Variants in TOP2B observed in about 807,000 individuals in gnomAD.
TOP2B encodes DNA topoisomerase 2-beta.
TOP2B carries 51 observed loss-of-function variants against 193.5 expected under a neutral mutation model. The observed-to-expected ratio is 0.26, with a 90% CI of 0.21 to 0.33. TOP2B has a LOEUF of 0.33. TOP2B is among the 10% of genes least tolerant of loss of function. The pLI is 1.00. For synonymous variants in TOP2B, 634 were observed against 635.7 expected (o/e 1.00, Z 0.04); for missense variants, 1,378 against 1,909.3 (o/e 0.72, Z 5.19).
At chr3:25,612,340 T>C (rs1366077520) in intron 28 of TOP2B, among the ~76,000 whole-genome samples, 175 bp downstream of exon 28, 1 of 152,230 alleles carries the variant, frequency 6.6e-6, no homozygotes, top group African/African-American at 2.4e-5. Context: ...TGTGATCCTT[T>C]ACCAATATGT....
intron 3 of TOP2B, 126 bp downstream of exon 3, chr3:25,643,568 A>T (rs1703323713): frequency 1.5e-6 from 1 of 664,592 alleles, no homozygotes; most frequent in East Asian, 2.5e-5. Flanking sequence ...GATCATTTAT[A>T]TTCAGAAGGA....
intron 4 of TOP2B, 76 bp from the exon 5 acceptor site, chr3:25,638,386 T>C (rs1156855797): frequency 7.7e-7 from 1 of 1,303,466 alleles, no homozygotes; most frequent in African/African-American, 1.9e-5. Context: ...TAAAGATAAA[T>C]TAATTCATTA....
At position 25,626,683 on chromosome 3, in the gene TOP2B, A is replaced by T; in HGVS notation, c.2110-9T>A. 1 of 1,502,756 alleles carries T rather than the reference A, an allele frequency of 6.7e-7. No homozygotes were observed. Among genetic ancestry groups the T allele is most frequent in the Non-Finnish European group, 9.0e-7 (1 of 1,113,946 alleles). The allele number at this position is 1,502,756 out of a possible 1,614,324, so 93.1% of individuals were successfully genotyped here. ...GTACCATATAAAAATTGCTAAGAGA[A>T]AAGTTATATAGCAATATTATCATTA... On this transcript the variant is annotated splice_polypyrimidine_tract_variant and intron_variant, in intron 17 of 35. Transcript: ENST00000264331.
intron 7 of TOP2B, among the ~76,000 whole-genome samples, chr3:25,635,039 C>G (rs1246601372): frequency 6.6e-6 from 1 of 152,068 alleles, no homozygotes; most frequent in Non-Finnish European, 1.5e-5. Context: ...ATCATGCTAC[C>G]AAGCTTCCAT....
chr3:25,611,908 T>G (rs1261826102), intron 28 of TOP2B, among the ~76,000 whole-genome samples: 2 of 152,080 alleles, frequency 1.3e-5, no homozygotes, highest in African/African-American at 4.8e-5. Flanking sequence ...GGTTTTTGTT[T>G]TGTTTTGTTT....
At chr3:25,651,047 C>T (rs1346996137) in intron 1 of TOP2B, among the ~76,000 whole-genome samples, 1 of 151,874 alleles carries the variant, frequency 6.6e-6, no homozygotes, top group Non-Finnish European at 1.5e-5. Flanking sequence ...ATTTTGATAC[C>T]AAAAAATTTT....
intron 10 of TOP2B, 114 bp from the exon 11 acceptor site, chr3:25,631,053 G>T (rs1702940821): frequency 1.2e-6 from 1 of 856,934 alleles, no homozygotes; most frequent in Non-Finnish European, 1.7e-6. Context: ...GTATTTTAGG[G>T]CAAAACAATA....
chr3:25,664,395 T>A lies in TOP2B; in HGVS notation c.-98A>T. The A allele has an allele frequency of 3.0e-6, 4 of 1,336,204 alleles. No homozygotes were observed. The highest frequency in any genetic ancestry group is 3.8e-6 in the Non-Finnish European group (4 of 1,053,224). The allele number at this position is 1,336,204 out of a possible 1,614,324, so 82.8% of individuals were successfully genotyped here. ...CGCCGCTCCGCACCCACCGCTCCAC[T>A]CGCCGCACTCCTAGCCGCGCCGACC... On this transcript the variant is annotated 5_prime_UTR_variant, in exon 1 of 36. Coordinates refer to ENST00000264331, the MANE Select transcript of TOP2B (RefSeq NM_001330700.2).
chr3:25,615,515 T>C lies in TOP2B; in HGVS notation c.3423A>G (p.Pro1141=). The C allele has an allele frequency of 6.3e-7, 1 of 1,578,278 alleles. No homozygotes were observed. Among genetic ancestry groups the C allele is most frequent in the Non-Finnish European group, 8.6e-7 (1 of 1,161,472 alleles). The part of the protein sequence containing the change: ...SSSDSGTPSG[P]DFNYILNMSL... Reference sequence around the variant, plus strand: ...ACATATTTAAAATATAATTAAAATCTGGGCCTGAAGGAGTTCCTGAATCGG... The same window carrying C: ...ACATATTTAAAATATAATTAAAATCCGGGCCTGAAGGAGTTCCTGAATCGG... Residue 1141 remains proline, a synonymous_variant, in exon 26 of 36, where the codon CCA becomes CCG. Coordinates refer to ENST00000264331, the MANE Select transcript of TOP2B (RefSeq NM_001330700.2).
At chr3:25,618,964 G>T in intron 23 of TOP2B, 115 bp from the exon 24 acceptor site, 1 of 696,188 alleles carries the variant, frequency 1.4e-6, no homozygotes, top group Non-Finnish European at 2.2e-6. Flanking sequence ...GCATGTGTGT[G>T]AACACAGACT....
In TOP2B at chr3:25,620,184, C is replaced by CT. The variant is rs202237793; in HGVS notation, c.2863-123dup. ...GGAATTAAAAAGGAAACCTCAATCTCTATCATCTCCTATCCAATCAGTATA... is the reference window on the plus strand; with the variant it reads ...GGAATTAAAAAGGAAACCTCAATCTCTTATCATCTCCTATCCAATCAGTATA... On this transcript the variant is annotated intron_variant, in intron 22 of 35. Coordinates refer to ENST00000264331, the MANE Select transcript of TOP2B (RefSeq NM_001330700.2). 1.1e-3 allele frequency: 731 copies of CT among 643,604 alleles called. 7 individuals carry two copies. In the East Asian group the frequency reaches 0.017, roughly 15 times the overall value. The allele number at this position is 643,604 out of a possible 1,614,324, so 39.9% of individuals were successfully genotyped here.
intron 1 of TOP2B, among the ~76,000 whole-genome samples, chr3:25,652,921 AAAG>A (rs1490546214): frequency 1.3e-5 from 2 of 152,166 alleles, no homozygotes; most frequent in African/African-American, 4.8e-5. Context: ...ATAAGAAAAA[AAAG>A]AGATAATCAA....
intron 1 of TOP2B, among the ~76,000 whole-genome samples, chr3:25,655,186 A>G (rs1376309381): frequency 6.6e-6 from 1 of 152,234 alleles, no homozygotes; most frequent in Non-Finnish European, 1.5e-5. Flanking sequence ...AGGAGCTTCT[A>G]TAACTCGACA....
At position 25,630,472 on chromosome 3, in the gene TOP2B, G is replaced by C; in HGVS notation, c.1406-3C>G. 1 of 1,524,568 alleles carries C rather than the reference G, an allele frequency of 6.6e-7. No homozygotes were observed. Among genetic ancestry groups the C allele is most frequent in the Non-Finnish European group, 8.8e-7 (1 of 1,137,524 alleles). The allele number at this position is 1,524,568 out of a possible 1,614,324, so 94.4% of individuals were successfully genotyped here. On this transcript the variant is annotated splice_region_variant and splice_polypyrimidine_tract_variant and intron_variant, in intron 11 of 35. Coordinates refer to ENST00000264331, the MANE Select transcript of TOP2B (RefSeq NM_001330700.2). ...ACACTCCAGGGAATGTTTACCACCT[G>C]AGAGAAATTTAAAATTATACATAGT... is the stretch of plus-strand genomic sequence containing the variant.
intron 33 of TOP2B, among the ~76,000 whole-genome samples, chr3:25,604,441 A>AT (rs1702183098): frequency 6.6e-6 from 1 of 152,192 alleles, no homozygotes; most frequent in African/African-American, 2.4e-5. Context: ...ATCAACATAG[A>AT]TAACAGAAGC....
intron 7 of TOP2B, 117 bp downstream of exon 7, chr3:25,635,819 G>A: frequency 1.3e-6 from 1 of 743,914 alleles, no homozygotes; most frequent in Non-Finnish European, 2.1e-6. Context: ...CTTTAAATGT[G>A]AATCATCTGA....
In TOP2B at chr3:25,598,268, C is replaced by T. The variant is rs1559487670; in HGVS notation, c.*39G>A. ...AGACAGAGAAGACAAAAGGACAACA[C>T]AAGATATTTGTTGAAAAATGTTTGT... On this transcript the variant is annotated 3_prime_UTR_variant, in exon 36 of 36. Transcript: ENST00000264331. 1 of 1,564,998 alleles carries T rather than the reference C, an allele frequency of 6.4e-7. No individual in the cohort carries two copies.
chr3:25,617,579 A>C (rs1360258690), intron 25 of TOP2B, among the ~76,000 whole-genome samples: 3 of 152,336 alleles, frequency 2.0e-5, no homozygotes, highest in East Asian at 3.9e-4. Context: ...GGAAGTTTAA[A>C]GGTTCAAGTT....
In TOP2B at chr3:25,601,204, A is replaced by G. The variant is rs1702085064; in HGVS notation, c.4511T>C (p.Val1504Ala). 1 of 1,613,400 alleles carries G rather than the reference A, an allele frequency of 6.2e-7. No homozygotes were observed. The highest frequency in any genetic ancestry group is 8.5e-7 in the Non-Finnish European group (1 of 1,179,616). The stretch of plus-strand genomic sequence containing the variant: ...TTTTGGGGCTCTCTTGGGCTTAGGG[A>G]CTGTATCTGAAGACGGTTTTCCTAG... Reference protein sequence around the residue: ...AKKGKPSSDTVPKPKRAPKQK... With the variant: ...AKKGKPSSDTAPKPKRAPKQK... Residue 1504 changes from valine to alanine, a missense_variant, in exon 34 of 36, where the codon GTC (valine) becomes GCC (alanine). Physicochemically the swap from Val to Ala is moderately conservative, Grantham distance 64. Coordinates refer to ENST00000264331, the MANE Select transcript of TOP2B (RefSeq NM_001330700.2).
Sources: gnomAD v4.1 joint callset for allele counts (sites outside exome capture counted in the v4.1 genomes callset) on GRCh38, gnomAD v4.1.1 for gene constraint, MANE v1.5 for transcripts, NCBI Gene and HGNC (gene_info 2026-07-23, HGNC 2026-07-21) for gene names.